CCSER1: variants seen among roughly 807,000 people sequenced by gnomAD.
CCSER1 encodes serine-rich coiled-coil domain-containing protein 1.
CCSER1 carries 41 observed loss-of-function variants against 82.0 expected under a neutral mutation model. The ratio of observed to expected loss-of-function variants is 0.50; its 90% confidence interval spans 0.39 to 0.65. The LOEUF (loss-of-function observed/expected upper bound fraction) is 0.65, where lower values mean the gene tolerates loss of function less well. CCSER1 is among the 30% of genes least tolerant of loss of function. The pLI is 0.00. For synonymous variants in CCSER1, 414 were observed against 383.9 expected, an observed-to-expected ratio of 1.08 and a Z score of -0.92; for missense variants, 1,119 against 1,064.2, an observed-to-expected ratio of 1.05 and a Z score of -0.72.
intron 10 of CCSER1, among the ~76,000 whole-genome samples, chr4:91,152,829 G>T (rs1477915109): frequency 6.7e-6 from 1 of 150,088 alleles, no homozygotes; most frequent in African/African-American, 2.4e-5. Flanking sequence ...TTTTCTTTAA[G>T]AATGTTGAAT....
chr4:90,514,713 G>A (rs1035359352), intron 5 of CCSER1, among the ~76,000 whole-genome samples: 8 of 151,978 alleles, frequency 5.3e-5, no homozygotes, highest in Non-Finnish European at 1.2e-4. Context: ...CTGGGATCGT[G>A]CCACTGTACT....
chr4:90,313,161 G>A, intron 3 of CCSER1, 114 bp downstream of exon 3: 3 of 919,714 alleles, frequency 3.3e-6, no homozygotes, highest in Non-Finnish European at 4.9e-6. Flanking sequence ...TATTTGAAGG[G>A]AAAATTTGTT....
At chr4:90,691,562 G>GTA (rs201874881) in intron 6 of CCSER1, among the ~76,000 whole-genome samples, 3 of 146,792 alleles carry the variant, frequency 2.0e-5, no homozygotes, top group African/African-American at 7.4e-5. Flanking sequence ...TCACATGTGT[G>GTA]TATATCACAT....
intron 10 of CCSER1, among the ~76,000 whole-genome samples, chr4:91,455,299 T>C (rs1429025119): frequency 6.6e-6 from 1 of 152,114 alleles, no homozygotes. Context: ...CTTGCTATGG[T>C]CTGAATATTC....
chr4:91,121,655 G>T (rs1315272485), intron 10 of CCSER1, among the ~76,000 whole-genome samples: 1 of 150,632 alleles, frequency 6.6e-6, no homozygotes, highest in Admixed American at 6.6e-5. Context: ...ATGTATTTTG[G>T]GCCAAAATAT....
rs1272525873 is a variant in CCSER1 at position 91,540,304 on chromosome 4, A to G, written c.2218-58268A>G. Among the ~76,000 whole-genome samples the G allele has an allele frequency of 2.0e-5, 3 of 152,154 alleles. No individual in the cohort carries two copies. In the East Asian group the frequency reaches 5.8e-4, roughly 29 times the overall value. ...TGTATATCCTACTGTAGATTTTAAC[A>G]AATGTACAGTGCAAAGTATTCACCA... On this transcript the variant is annotated intron_variant, in intron 10 of 10. Coordinates refer to ENST00000509176, the MANE Select transcript of CCSER1 (RefSeq NM_001145065.2).
chr4:91,024,977 A>G (rs1261683101), intron 9 of CCSER1, among the ~76,000 whole-genome samples: 3 of 152,140 alleles, frequency 2.0e-5, no homozygotes. Context: ...TTAAAAGAGC[A>G]CTATTGTATT....
intron 10 of CCSER1, among the ~76,000 whole-genome samples, chr4:91,523,055 T>C (rs1165755568): frequency 6.6e-6 from 1 of 152,184 alleles, no homozygotes; most frequent in African/African-American, 2.4e-5. Flanking sequence ...TCCATCAATA[T>C]CTAGTTTATT....
At chr4:91,191,309 C>G (rs1581743416) in intron 10 of CCSER1, among the ~76,000 whole-genome samples, 1 of 152,130 alleles carries the variant, frequency 6.6e-6, no homozygotes, top group African/African-American at 2.4e-5. Context: ...ACTGACTGTT[C>G]TTATATTTAA....
intron 1 of CCSER1, among the ~76,000 whole-genome samples, chr4:90,299,098 C>T (rs991255670): frequency 6.6e-6 from 1 of 151,502 alleles, no homozygotes; most frequent in Non-Finnish European, 1.5e-5. Context: ...AAATATATAT[C>T]ATCATCCCTT....
chr4:90,917,566 G>A (rs911954882), intron 8 of CCSER1, among the ~76,000 whole-genome samples: 49 of 152,044 alleles, frequency 3.2e-4, no homozygotes, highest in African/African-American at 1.2e-3. Context: ...AATGTTAAAT[G>A]ACCAGTTAAT....
chr4:91,570,352 G>A (rs1384850489), intron 10 of CCSER1, among the ~76,000 whole-genome samples: 8 of 152,190 alleles, frequency 5.3e-5, no homozygotes, highest in Admixed American at 5.2e-4. Flanking sequence ...CCCCAGTGGG[G>A]ACTCTATGTG....
rs910126271 is a variant in CCSER1 at position 90,990,826 on chromosome 4, A to G, written c.2172+67379A>G. 2.6e-5 allele frequency among the ~76,000 whole-genome samples: 4 copies of G among 152,100 alleles called. No individual in the cohort carries two copies. The South Asian group carries it at 6.2e-4, about 24-fold the overall frequency. On this transcript the variant is annotated intron_variant, in intron 9 of 10. Transcript: ENST00000509176. ...TGTGATGAATTGGGCATTTATGGGA[A>G]CAACAAGAATATTAGTCAAAAACAG...
At chr4:90,255,887 T>C (rs563336214) in intron 1 of CCSER1, among the ~76,000 whole-genome samples, 6 of 152,130 alleles carry the variant, frequency 3.9e-5, no homozygotes, top group Non-Finnish European at 7.4e-5. Context: ...AGGTAGGAAC[T>C]TGTCATTCAC....
chr4:91,403,758 A>G (rs7668775), intron 10 of CCSER1, among the ~76,000 whole-genome samples: 113,773 of 152,048 alleles, frequency 0.75, 42,831 homozygotes, highest in East Asian at 0.87. Context: ...CTTCATCATC[A>G]TGGATAAGCT....
At chr4:91,403,257 CTT>C (rs1192010988) in intron 10 of CCSER1, among the ~76,000 whole-genome samples, 1 of 152,174 alleles carries the variant, frequency 6.6e-6, no homozygotes, top group African/African-American at 2.4e-5. Context: ...TATCCTGAGA[CTT>C]TGCTGAAGTC....
intron 1 of CCSER1, among the ~76,000 whole-genome samples, chr4:90,155,050 T>G (rs1727786868): frequency 6.6e-6 from 1 of 152,206 alleles, no homozygotes; most frequent in Non-Finnish European, 1.5e-5. Flanking sequence ...TTGAGATACA[T>G]CCCATCAATA....
intron 1 of CCSER1, among the ~76,000 whole-genome samples, chr4:90,227,518 A>G (rs968108382): frequency 1.3e-5 from 2 of 152,236 alleles, no homozygotes; most frequent in Non-Finnish European, 2.9e-5. Flanking sequence ...AAAGACATCT[A>G]TTTAAATTAA....
In CCSER1 at chr4:91,602,997, T is replaced by G. The variant is rs1405652551; in HGVS notation, c.*3940T>G. On this transcript the variant is annotated 3_prime_UTR_variant, in exon 11 of 11. Coordinates refer to ENST00000509176, the MANE Select transcript of CCSER1 (RefSeq NM_001145065.2). ...ATCACATGTAATATTCTTGGGAAAT[T>G]TACCTCTCCTAGAGTTTAAGCTTTT... 6.6e-6 allele frequency among the ~76,000 whole-genome samples: 1 copy of G among 152,100 alleles called. No individual in the cohort carries two copies. Among genetic ancestry groups the G allele is most frequent in the African/African-American group, 2.4e-5 (1 of 41,452 alleles).
Sources: allele counts gnomAD v4.1 joint callset (sites outside exome capture counted in the v4.1 genomes callset), GRCh38; gene constraint gnomAD v4.1.1; transcripts MANE v1.5; gene names NCBI Gene and HGNC (gene_info 2026-07-23, HGNC 2026-07-21).